The following NRDC variants were observed in gnomAD, a reference collection of about 807,000 sequenced individuals.
NRDC encodes nardilysin.
Under a neutral mutation model 147.1 loss-of-function variants are expected in NRDC, and 54 were observed. The ratio of observed to expected loss-of-function variants is 0.37; its 90% CI spans 0.29 to 0.46. The LOEUF is 0.46. Among genes scored for constraint, NRDC ranks in the 20% least tolerant of loss-of-function variants. NRDC has a pLI of 1.00. For synonymous variants in NRDC, 440 were observed against 482.1 expected (o/e 0.91, Z 1.14); for missense variants, 1,082 against 1,370.6 (o/e 0.79, Z 3.33).
chr1:51,833,440 T>TAAAAAAAA (rs34771592), intron 4 of NRDC, among the ~76,000 whole-genome samples: 1 of 121,460 alleles, frequency 8.2e-6, no homozygotes. Context: ...CCATATCTCT[T>TAAAAAAAA]AAAAAAAAAA....
chr1:51,831,984 G>A (rs1327058909), intron 4 of NRDC, among the ~76,000 whole-genome samples: 1 of 151,946 alleles, frequency 6.6e-6, no homozygotes, highest in African/African-American at 2.4e-5. Flanking sequence ...TATGTCCAAA[G>A]GATTTTTCCA....
At chr1:51,811,663 A>G (rs1679723026) in intron 15 of NRDC, among the ~76,000 whole-genome samples, 2 of 152,348 alleles carry the variant, frequency 1.3e-5, no homozygotes, top group Admixed American at 1.3e-4. Context: ...ATTAAAAGGT[A>G]AGCTAAACAA....
chr1:51,810,863 C>T (rs905637906), intron 15 of NRDC, among the ~76,000 whole-genome samples: 13 of 152,194 alleles, frequency 8.5e-5, no homozygotes, highest in African/African-American at 2.2e-4. Context: ...CAGAATAATA[C>T]AGCTAGAAGT....
intron 8 of NRDC, among the ~76,000 whole-genome samples, chr1:51,821,146 A>G (rs574474753): frequency 6.6e-6 from 1 of 152,264 alleles, no homozygotes; most frequent in African/African-American, 2.4e-5. Flanking sequence ...TCAGAACACA[A>G]TTTGTCCCAA....
At chr1:51,858,024 G>A (rs1012141766) in intron 1 of NRDC, among the ~76,000 whole-genome samples, 6 of 152,130 alleles carry the variant, frequency 3.9e-5, no homozygotes, top group African/African-American at 1.4e-4. Flanking sequence ...TTACAGAAAT[G>A]GCAAAATCTT....
chr1:51,877,201 A>C (rs1474201949), intron 1 of NRDC, among the ~76,000 whole-genome samples: 4 of 152,046 alleles, frequency 2.6e-5, no homozygotes, highest in African/African-American at 4.8e-5. Flanking sequence ...AAAAAAAGGA[A>C]ATCAGCAAAT....
intron 1 of NRDC, among the ~76,000 whole-genome samples, chr1:51,872,579 T>C (rs1683134769): frequency 6.6e-6 from 1 of 151,992 alleles, no homozygotes; most frequent in Admixed American, 6.6e-5. Flanking sequence ...GGTGTGCACA[T>C]GTAGTCCCAG....
rs1375282420 is a variant in NRDC at position 51,878,543 on chromosome 1, C to A, written c.73G>T (p.Ala25Ser). Residue 25 changes from alanine to serine, a missense_variant, in exon 1 of 31, where the codon GCG (alanine) becomes TCG (serine). This residue lies in a region of NRDC where 260 missense variants were observed against 253.2 expected (regional missense o/e 1.03). Transcript: ENST00000352171. ...RKLCEAGREL[A>S]ALWGIETRGR... ...CGCGTTTCGATTCCCCAGAGCGCCGCGAGCTCCCGCCCGGCCTCACACAAC... is the reference window on the plus strand; with the variant it reads ...CGCGTTTCGATTCCCCAGAGCGCCGAGAGCTCCCGCCCGGCCTCACACAAC... The A allele has an allele frequency of 6.2e-7, 1 of 1,613,654 alleles. No homozygotes were observed. Among genetic ancestry groups the A allele is most frequent in the Non-Finnish European group, 8.5e-7 (1 of 1,179,856 alleles).
At chr1:51,816,130 A>T (rs953050145) in intron 11 of NRDC, 182 bp downstream of exon 11, 23 of 352,456 alleles carry the variant, frequency 6.5e-5, no homozygotes, top group Admixed American at 1.9e-4. Flanking sequence ...GCTTACAAGG[A>T]AATACACAAA....
At chr1:51,797,525 C>A (rs193018077) in intron 22 of NRDC, among the ~76,000 whole-genome samples, 7 of 152,254 alleles carry the variant, frequency 4.6e-5, no homozygotes. Context: ...AAGCCCAGCA[C>A]CTTAGCTTCA....
At chr1:51,848,403 C>T (rs1365545087) in intron 1 of NRDC, among the ~76,000 whole-genome samples, 2 of 152,146 alleles carry the variant, frequency 1.3e-5, no homozygotes, top group Non-Finnish European at 2.9e-5. Context: ...ATGGCGTGAA[C>T]CCGGGAGGCG....
intron 1 of NRDC, among the ~76,000 whole-genome samples, chr1:51,877,582 C>T (rs189593499): frequency 1.8e-3 from 268 of 152,250 alleles, no homozygotes; most frequent in Middle Eastern, 0.01. Context: ...AAGGAAAATA[C>T]TCAGGTGGGG....
In NRDC at chr1:51,854,457, AC is replaced by A. The variant is rs979965493; in HGVS notation, c.342-13944del. 2.6e-4 allele frequency among the ~76,000 whole-genome samples: 40 copies of A among 152,348 alleles called. 1 individual carries two copies. The highest frequency in any genetic ancestry group is 2.4e-3 in the Admixed American group (37 of 15,310). ...ACAGGAAGTAGGCAGAGCAGTCTGC[AC>A]CCCAGTACCCCACAAGATTGATGGG... is the stretch of plus-strand genomic sequence containing the variant. On this transcript the variant is annotated intron_variant, in intron 1 of 30. Coordinates refer to ENST00000352171, the MANE Select transcript of NRDC (RefSeq NM_001101662.2).
intron 18 of NRDC, 107 bp from the exon 19 acceptor site, chr1:51,805,668 C>G (rs1010634363): frequency 6.8e-5 from 45 of 660,466 alleles, no homozygotes; most frequent in Non-Finnish European, 9.5e-5. Flanking sequence ...AAGTAAACTA[C>G]TAATCCTTAA....
At chr1:51,792,342 T>G in intron 25 of NRDC, 35 bp downstream of exon 25, 1 of 1,610,272 alleles carries the variant, frequency 6.2e-7, no homozygotes, top group African/African-American at 1.3e-5. Context: ...GGTCAGGGGC[T>G]GCTGAAAACC....
At position 51,803,960 on chromosome 1, in the gene NRDC, C is replaced by T. The variant is rs1679330906; in HGVS notation, c.2167G>A (p.Val723Ile). The T allele has an allele frequency of 6.3e-7, 1 of 1,596,812 alleles. No individual in the cohort carries two copies. Among genetic ancestry groups the T allele is most frequent in the Admixed American group, 1.7e-5 (1 of 57,330 alleles). ...PLIQKSAANV[V>I]LFDIFVNILT... ...ATATTGACAAAGATATCAAAGAGGA[C>T]CACACTAAGAAGTACAAAATGCAAA... The change falls in exon 20 of 31, where the codon GTC (valine) becomes ATC (isoleucine). Residue 723 changes from valine (V) to isoleucine (I), a missense_variant. This residue lies in a region of NRDC where 635 missense variants were observed against 923.8 expected (regional missense o/e 0.69). Coordinates refer to ENST00000352171, the MANE Select transcript of NRDC (RefSeq NM_001101662.2).
At chr1:51,849,964 A>G (rs928672651) in intron 1 of NRDC, among the ~76,000 whole-genome samples, 18 of 151,096 alleles carry the variant, frequency 1.2e-4, no homozygotes, top group African/African-American at 4.5e-4. Context: ...AGATCACTTG[A>G]GCCCAGGAGT....
At chr1:51,842,116 C>T (rs539001316) in intron 1 of NRDC, among the ~76,000 whole-genome samples, 11 of 151,940 alleles carry the variant, frequency 7.2e-5, no homozygotes, top group Non-Finnish European at 1.2e-4. Flanking sequence ...CAGGCTGCAG[C>T]GAGCCCAGAT....
At chr1:51,876,272 T>A (rs778371693) in intron 1 of NRDC, among the ~76,000 whole-genome samples, 1 of 152,180 alleles carries the variant, frequency 6.6e-6, no homozygotes, top group African/African-American at 2.4e-5. Context: ...CAATACAGGT[T>A]GAGTATCCTT....
Sources: allele counts gnomAD v4.1 joint callset (sites outside exome capture counted in the v4.1 genomes callset), GRCh38; gene constraint gnomAD v4.1.1; regional missense constraint gnomAD v4.1.1; transcripts MANE v1.5; gene names NCBI Gene and HGNC (gene_info 2026-07-23, HGNC 2026-07-21).